URI1: variants seen among roughly 807,000 people sequenced by gnomAD.
URI1 encodes unconventional prefoldin RPB5 interactor 1.
URI1 carries 39 observed loss-of-function variants against 60.2 expected under a neutral mutation model. That is an observed-to-expected ratio of 0.65 (90% CI 0.50 to 0.85). URI1 has a LOEUF of 0.85. URI1 is among the 40% of genes least tolerant of loss of function. The pLI is 0.00. For missense variants in URI1, 691 were observed against 665.9 expected (o/e 1.04, Z -0.42); for synonymous variants, 251 against 236.8 (o/e 1.06, Z -0.55).
chr19:29,932,821 T>C (rs147254314), intron 1 of URI1, among the ~76,000 whole-genome samples: 11 of 151,482 alleles, frequency 7.3e-5, no homozygotes, highest in African/African-American at 2.7e-4. Context: ...CCAGCTAATT[T>C]TTTGTATTTT....
chr19:29,999,242 T>C (rs78267791), intron 4 of URI1, among the ~76,000 whole-genome samples: 3,159 of 152,190 alleles, frequency 0.021, 105 homozygotes, highest in African/African-American at 0.071. Flanking sequence ...AATACTTATT[T>C]TTGCCTATGT....
chr19:30,014,782 C>T (rs1258775715), intron 10 of URI1, 105 bp from the exon 11 acceptor site: 29 of 1,164,230 alleles, frequency 2.5e-5, no homozygotes, highest in Non-Finnish European at 3.1e-5. Flanking sequence ...CCAAAAATCT[C>T]GTGAATTTAC....
intron 2 of URI1, among the ~76,000 whole-genome samples, chr19:29,981,149 A>C (rs1187207417): frequency 6.6e-6 from 1 of 152,020 alleles, no homozygotes; most frequent in African/African-American, 2.4e-5. Context: ...AGAGGATTAA[A>C]AATGTTGATC....
chr19:30,012,694 TAATCA>T, intron 10 of URI1, 163 bp downstream of exon 10: 1 of 830,682 alleles, frequency 1.2e-6, no homozygotes, highest in Non-Finnish European at 1.7e-6. Context: ...AATATTGTGA[TAATCA>T]AATAGTTTAT....
intron 3 of URI1, among the ~76,000 whole-genome samples, 157 bp downstream of exon 3, chr19:29,985,458 G>T (rs1050935462): frequency 6.6e-6 from 1 of 152,034 alleles, no homozygotes; most frequent in African/African-American, 2.4e-5. Context: ...CACAGTAATT[G>T]TAGTAATTGT....
intron 1 of URI1, among the ~76,000 whole-genome samples, chr19:29,933,527 A>C (rs756544287): frequency 1.2e-4 from 18 of 152,046 alleles, no homozygotes; most frequent in Non-Finnish European, 1.9e-4. Flanking sequence ...ATCTTTAAAA[A>C]CATCAACTTT....
At chr19:30,014,261 T>C (rs2056058462) in intron 10 of URI1, 1 of 152,168 alleles carries the variant, frequency 6.6e-6, no homozygotes, top group African/African-American at 2.4e-5. Flanking sequence ...GAACTTCTGA[T>C]TTCTGTCATT....
intron 2 of URI1, among the ~76,000 whole-genome samples, chr19:29,971,882 T>C (rs189929774): frequency 1.3e-5 from 2 of 152,152 alleles, no homozygotes; most frequent in Non-Finnish European, 2.9e-5. Context: ...TTACAATATA[T>C]CCATGCTGTG....
intron 4 of URI1, among the ~76,000 whole-genome samples, chr19:30,004,027 T>C (rs2055909234): frequency 6.6e-6 from 1 of 152,018 alleles, no homozygotes; most frequent in South Asian, 2.1e-4. Context: ...GTCAAACAGC[T>C]CCTTGAGTTA....
intron 1 of URI1, among the ~76,000 whole-genome samples, chr19:29,927,766 G>A (rs926847767): frequency 1.3e-5 from 2 of 151,460 alleles, no homozygotes; most frequent in Non-Finnish European, 2.9e-5. Context: ...TAGTAGAGAT[G>A]GGGTTTTGTT....
chr19:29,985,392 T>C, intron 3 of URI1, 91 bp downstream of exon 3: 1 of 1,092,228 alleles, frequency 9.2e-7, no homozygotes, highest in Non-Finnish European at 1.4e-6. Flanking sequence ...GCTGATGGAC[T>C]GTGTCCAAGG....
chr19:30,015,167 G>A lies in URI1; in HGVS notation c.*98G>A. On this transcript the variant is annotated 3_prime_UTR_variant, in exon 11 of 11. Coordinates refer to ENST00000392271, the MANE Select transcript of URI1 (RefSeq NM_003796.3). ...TAGGTTACATGTAGTTTGAAATAAG[G>A]TATCCTGAGTTACTTTGGCAACAAG... 6.8e-7 allele frequency: 1 copy of A among 1,479,034 alleles called. No homozygotes were observed. 91.6% of individuals were successfully genotyped at this position (1,479,034 alleles called of 1,614,324 possible). A position where few individuals can be genotyped will look rare whatever the true frequency, so the allele number is the denominator to read the frequency against.
At chr19:30,001,619 T>C (rs182714898) in intron 4 of URI1, among the ~76,000 whole-genome samples, 1 of 152,044 alleles carries the variant, frequency 6.6e-6, no homozygotes, top group East Asian at 1.9e-4. Flanking sequence ...AGATCTTTGG[T>C]TAAAGTTCAC....
chr19:29,942,759 C>T, intron 1 of URI1, 95 bp downstream of exon 1: 23 of 1,250,344 alleles, frequency 1.8e-5, no homozygotes, highest in Non-Finnish European at 2.3e-5. Context: ...GGCCCAGCTG[C>T]CCGGGCCCCC....
chr19:29,975,698 G>T (rs1019032085), intron 2 of URI1, among the ~76,000 whole-genome samples: 1 of 152,024 alleles, frequency 6.6e-6, no homozygotes, highest in Non-Finnish European at 1.5e-5. Flanking sequence ...TAAAGACGGG[G>T]TTTCACCGTG....
In URI1 at chr19:29,942,328, G is replaced by A. The variant is rs1421212461; in HGVS notation, c.-220G>A. The A allele has an allele frequency of 2.0e-6, 2 of 985,092 alleles. No individual in the cohort carries two copies. The highest frequency in any genetic ancestry group is 1.8e-5 in the African/African-American group (1 of 57,100). 61.0% of individuals were successfully genotyped at this position (985,092 alleles called of 1,614,324 possible). A position where few individuals can be genotyped will look rare whatever the true frequency, so the allele number is the denominator to read the frequency against. ...CCTGGCAGGCGGCCTGCTACTCGGA[G>A]CCCGCTGCGGGGCGGCGGCGGCGGG... On this transcript the variant is annotated 5_prime_UTR_variant, in exon 1 of 11. Coordinates refer to ENST00000392271, the MANE Select transcript of URI1 (RefSeq NM_003796.3).
chr19:30,010,869 T>C (rs2056008363), intron 8 of URI1, among the ~76,000 whole-genome samples: 1 of 151,938 alleles, frequency 6.6e-6, no homozygotes, highest in South Asian at 2.1e-4. Flanking sequence ...ATAAAGACAC[T>C]GAAGACTAGG....
upstream of URI1, among the ~76,000 whole-genome samples, chr19:29,939,778 A>G (rs913834099): frequency 6.6e-6 from 1 of 152,244 alleles, no homozygotes; most frequent in Admixed American, 6.5e-5. Flanking sequence ...AGAGATCAGC[A>G]GGTGCAAAGG....
intron 1 of URI1, among the ~76,000 whole-genome samples, chr19:29,946,182 A>G (rs1407983497): frequency 2.6e-5 from 4 of 152,204 alleles, no homozygotes; most frequent in Admixed American, 2.6e-4. Flanking sequence ...TAACAGCAGT[A>G]AAATATTTGT....
Sources: gnomAD v4.1 joint callset for allele counts (sites outside exome capture counted in the v4.1 genomes callset) on GRCh38, gnomAD v4.1.1 for gene constraint, MANE v1.5 for transcripts, NCBI Gene and HGNC (gene_info 2026-07-23, HGNC 2026-07-21) for gene names.